Variants in FGGY observed in about 807,000 individuals in gnomAD.
FGGY encodes FGGY carbohydrate kinase domain-containing protein.
A neutral mutation model predicts 71.3 loss-of-function variants in FGGY; 72 were observed. That is an observed-to-expected ratio of 1.01 (90% CI 0.84 to 1.23). The LOEUF is 1.23. FGGY is among the 50% of genes most tolerant of loss of function. FGGY has a pLI of 0.00. For missense variants in FGGY, 668 were observed against 682.3 expected, an observed-to-expected ratio of 0.98 and a Z score of 0.23; for synonymous variants, 251 against 250.3, an observed-to-expected ratio of 1.00 and a Z score of -0.02.
chr1:59,425,667 C>A (rs1485321801), intron 5 of FGGY, among the ~76,000 whole-genome samples: 2 of 152,180 alleles, frequency 1.3e-5, no homozygotes, highest in African/African-American at 4.8e-5. Context: ...CTGTCTAATT[C>A]TTTTACTTTG....
Position 59,607,812 on chromosome 1 carries a change from G to A in FGGY, c.913G>A (p.Asp305Asn). The change falls in exon 9 of 16, where the codon GAC (aspartate) becomes AAC (asparagine). Residue 305 changes from aspartate (D) to asparagine (N), a missense_variant. This residue lies in a region of FGGY where 661 missense variants were observed against 661.6 expected (regional missense o/e 1.00). Transcript: ENST00000303721. The part of the protein sequence containing the change: ...TSSCHMGISK[D>N]PIFVPGVWGP... ...CCATCTTTCTTTCCAGATCAGCAAAGACCCGATTTTTGTACCAGGCGTCTG... is the reference window on the plus strand; with the variant it reads ...CCATCTTTCTTTCCAGATCAGCAAAAACCCGATTTTTGTACCAGGCGTCTG... 1 of 1,613,762 alleles carries A rather than the reference G, an allele frequency of 6.2e-7. No homozygotes were observed. Among genetic ancestry groups the A allele is most frequent in the East Asian group, 2.2e-5 (1 of 44,860 alleles).
rs558183128 is a variant in FGGY, at chr1:59,503,967, G to A, written c.671-8344G>A. 3.9e-5 allele frequency among the ~76,000 whole-genome samples: 6 copies of A among 152,180 alleles called. No individual in the cohort carries two copies. The South Asian group carries it at 1.0e-3, about 26-fold the overall frequency. On this transcript the variant is annotated intron_variant, in intron 6 of 15. Transcript: ENST00000303721. Reference sequence around the variant, plus strand: ...ATTCCAGAGAGGGTCCTGCCCCATAGCCTAGTGGAAAGAATGCTACACAGA... The same window carrying A: ...ATTCCAGAGAGGGTCCTGCCCCATAACCTAGTGGAAAGAATGCTACACAGA...
intron 9 of FGGY, among the ~76,000 whole-genome samples, chr1:59,610,556 A>G (rs1009076407): frequency 1.3e-5 from 2 of 152,218 alleles, no homozygotes; most frequent in African/African-American, 4.8e-5. Flanking sequence ...CCGAATAGGA[A>G]CAGCTCCAGT....
chr1:59,579,865 T>G (rs954055495), intron 8 of FGGY, among the ~76,000 whole-genome samples: 3 of 152,204 alleles, frequency 2.0e-5, no homozygotes, highest in African/African-American at 7.2e-5. Context: ...CCAATGTCCT[T>G]AAAAATAAAA....
At chr1:59,406,460 A>G (rs2062772590) in intron 5 of FGGY, among the ~76,000 whole-genome samples, 1 of 152,184 alleles carries the variant, frequency 6.6e-6, no homozygotes, top group Admixed American at 6.5e-5. Flanking sequence ...ACAGTGCAAG[A>G]AAGCTGCGAT....
At chr1:59,602,871 C>G (rs1255373414) in intron 8 of FGGY, among the ~76,000 whole-genome samples, 1 of 152,046 alleles carries the variant, frequency 6.6e-6, no homozygotes. Flanking sequence ...ACCTGGCTGC[C>G]CTGTCAGATT....
At chr1:59,589,583 C>A (rs1324067074) in intron 8 of FGGY, among the ~76,000 whole-genome samples, 1 of 152,188 alleles carries the variant, frequency 6.6e-6, no homozygotes, top group Non-Finnish European at 1.5e-5. Context: ...TTATAACAAA[C>A]TGTCTCTCAG....
At chr1:59,703,926 C>A (rs991990544) in intron 14 of FGGY, among the ~76,000 whole-genome samples, 7 of 152,110 alleles carry the variant, frequency 4.6e-5, no homozygotes, top group Non-Finnish European at 7.4e-5. Context: ...TAAATCAAGT[C>A]TTCTGCTTAT....
Position 59,588,284 on chromosome 1 carries a change from T to C in FGGY, c.904-19519T>C, listed in dbSNP as rs892788646. Among the ~76,000 whole-genome samples the C allele has an allele frequency of 2.6e-4, 40 of 152,144 alleles. 1 individual carries two copies. Among genetic ancestry groups the C allele is most frequent in the Admixed American group, 2.4e-3 (37 of 15,280 alleles). ...AAACGAACAAAGCCTCCAAGAAATA[T>C]GGGACTATGTGAAAAGACCAAATCT... On this transcript the variant is annotated intron_variant, in intron 8 of 15. Coordinates refer to ENST00000303721, the MANE Select transcript of FGGY (RefSeq NM_018291.5).
At chr1:59,500,533 G>T (rs967010072) in intron 6 of FGGY, among the ~76,000 whole-genome samples, 2 of 151,972 alleles carry the variant, frequency 1.3e-5, no homozygotes, top group Non-Finnish European at 2.9e-5. Flanking sequence ...CAGAGAAACT[G>T]AATTCAGGGA....
intron 4 of FGGY, among the ~76,000 whole-genome samples, chr1:59,366,158 G>A (rs114297905): frequency 0.017 from 2,599 of 152,172 alleles, 75 homozygotes; most frequent in African/African-American, 0.059. Context: ...TTTTCTTTTC[G>A]TACAAGAAGA....
At chr1:59,749,120 C>T (rs181878395) in intron 14 of FGGY, among the ~76,000 whole-genome samples, 31 of 152,306 alleles carry the variant, frequency 2.0e-4, no homozygotes, top group Admixed American at 2.0e-3. Context: ...CATGGAAGCT[C>T]ACTGCACCAC....
chr1:59,483,936 T>TA (rs1035349650), intron 6 of FGGY, among the ~76,000 whole-genome samples: 14 of 151,812 alleles, frequency 9.2e-5, no homozygotes, highest in Admixed American at 6.6e-4. Context: ...ATGTCTACTG[T>TA]AAAAAAAATA....
intron 2 of FGGY, among the ~76,000 whole-genome samples, chr1:59,322,657 G>A (rs2046617467): frequency 6.6e-6 from 1 of 152,188 alleles, no homozygotes; most frequent in Non-Finnish European, 1.5e-5. Flanking sequence ...TCAGATTAGA[G>A]TGTCTCCCAT....
At chr1:59,316,672 A>G (rs975526741) in intron 1 of FGGY, among the ~76,000 whole-genome samples, 3 of 152,166 alleles carry the variant, frequency 2.0e-5, no homozygotes, top group Non-Finnish European at 2.9e-5. Context: ...ATTTATACAG[A>G]ACAGTCTTTT....
chr1:59,550,967 T>A (rs1367479726), intron 7 of FGGY, among the ~76,000 whole-genome samples: 1 of 152,186 alleles, frequency 6.6e-6, no homozygotes, highest in African/African-American at 2.4e-5. Context: ...CTTTTATGGA[T>A]GTTGCAAAGA....
At chr1:59,573,273 G>A (rs2096017675) in intron 8 of FGGY, among the ~76,000 whole-genome samples, 6 of 152,122 alleles carry the variant, frequency 3.9e-5, no homozygotes, top group Admixed American at 3.9e-4. Flanking sequence ...CAGTAGATTA[G>A]ATAATAGAAT....
intron 5 of FGGY, among the ~76,000 whole-genome samples, chr1:59,440,750 G>A (rs1285617967): frequency 6.6e-6 from 1 of 150,386 alleles, no homozygotes; most frequent in Non-Finnish European, 1.5e-5. Flanking sequence ...AAGGCACAGT[G>A]GAGGGGCGAA....
chr1:59,569,183 A>G (rs1002165531), intron 8 of FGGY, among the ~76,000 whole-genome samples: 3 of 152,206 alleles, frequency 2.0e-5, no homozygotes, highest in Admixed American at 2.0e-4. Context: ...CACAACAAAT[A>G]TGTAAGGCTA....
Sources: allele counts gnomAD v4.1 joint callset (sites outside exome capture counted in the v4.1 genomes callset), GRCh38; gene constraint gnomAD v4.1.1; regional missense constraint gnomAD v4.1.1; transcripts MANE v1.5; gene names NCBI Gene and HGNC (gene_info 2026-07-23, HGNC 2026-07-21).